The following DEFB124 variants were observed in gnomAD, a reference collection of about 807,000 sequenced individuals.
DEFB124 encodes defensin beta 124.
For missense variants in DEFB124, 78 were observed against 83.1 expected (o/e 0.94, Z 0.24); for synonymous variants, 38 against 36.5 (o/e 1.04, Z -0.15).
At chr20:31,469,043 T>A (rs190264239) in intron 2 of DEFB124, among the ~76,000 whole-genome samples, 1 of 152,348 alleles carries the variant, frequency 6.6e-6, no homozygotes, top group Admixed American at 6.5e-5. Context: ...ATAATAAAAA[T>A]GTTTAAAACT....
chr20:31,471,315 A>ACC (rs560170709), intron 2 of DEFB124, among the ~76,000 whole-genome samples: 3 of 36,542 alleles, frequency 8.2e-5, no homozygotes, highest in Admixed American at 3.0e-4. Flanking sequence ...CGGGGGGCTG[A>ACC]CCCCCCCCAC....
At chr20:31,470,193 C>A (rs1287373083) in intron 2 of DEFB124, among the ~76,000 whole-genome samples, 2 of 143,488 alleles carry the variant, frequency 1.4e-5, no homozygotes, top group South Asian at 4.3e-4. Context: ...GGGCGGCTGG[C>A]CGGGCGGGGG....
chr20:31,469,057 CTTAT>C (rs1568756963), intron 2 of DEFB124, among the ~76,000 whole-genome samples: 2 of 152,128 alleles, frequency 1.3e-5, no homozygotes. Context: ...TAAAACTCAC[CTTAT>C]TTATTTATGT....
chr20:31,467,059 T>C (rs1199922890), intron 2 of DEFB124, among the ~76,000 whole-genome samples: 1 of 152,156 alleles, frequency 6.6e-6, no homozygotes, highest in African/African-American at 2.4e-5. Flanking sequence ...TTAGAATGCA[T>C]GTGGGAAGTG....
chr20:31,473,183 G>C (rs1247418258), intron 1 of DEFB124, 145 bp from the exon 2 acceptor site: 1 of 665,738 alleles, frequency 1.5e-6, no homozygotes, highest in African/African-American at 1.8e-5. Flanking sequence ...AGGCTGCTTG[G>C]GATTTCAGCC....
At chr20:31,471,728 T>G (rs1261572750) in intron 2 of DEFB124, among the ~76,000 whole-genome samples, 2 of 128,320 alleles carry the variant, frequency 1.6e-5, no homozygotes, top group South Asian at 2.6e-4. Flanking sequence ...CCAGACGGGG[T>G]CGCAGCCTGG....
chr20:31,467,297 C>A (rs1367607905), intron 2 of DEFB124, among the ~76,000 whole-genome samples: 1 of 152,258 alleles, frequency 6.6e-6, no homozygotes, highest in Admixed American at 6.5e-5. Context: ...GCAGTCCACA[C>A]TTCCCTCTTA....
intron 2 of DEFB124, 187 bp downstream of exon 2, chr20:31,472,769 A>T: frequency 4.0e-6 from 2 of 503,792 alleles, no homozygotes; most frequent in Non-Finnish European, 6.8e-6. Context: ...CATTTTATAG[A>T]TTAGGAAACT....
At chr20:31,472,805 G>T in intron 2 of DEFB124, 151 bp downstream of exon 2, 2 of 830,176 alleles carry the variant, frequency 2.4e-6, no homozygotes, top group Non-Finnish European at 1.7e-6. Flanking sequence ...TTAGCAACTT[G>T]CTCTAAGTTG....
chr20:31,465,691 G>C, intron 2 of DEFB124, 28 bp from the exon 3 acceptor site: 1 of 1,611,216 alleles, frequency 6.2e-7, no homozygotes, highest in Non-Finnish European at 8.5e-7. Flanking sequence ...ACAGGTCACA[G>C]AGCAGCCCAT....
At chr20:31,472,687 A>G in intron 2 of DEFB124, 1 of 411,744 alleles carries the variant, frequency 2.4e-6, no homozygotes, top group East Asian at 3.9e-5. Flanking sequence ...CTTTTCTTTC[A>G]CTGCTACATG....
intron 2 of DEFB124, among the ~76,000 whole-genome samples, chr20:31,468,494 T>A (rs1980138598): frequency 6.6e-6 from 1 of 151,712 alleles, no homozygotes; most frequent in Non-Finnish European, 1.5e-5. Context: ...TTTTTTTTTT[T>A]AAGACAGAGT....
At position 31,465,807 on chromosome 20, in the gene DEFB124, G is replaced by A. The variant is rs1053605669; in HGVS notation, c.59-144C>T. 6.1e-6 allele frequency: 6 copies of A among 979,406 alleles called. No homozygotes were observed. In the African/African-American group the frequency reaches 9.8e-5, roughly 16 times the overall value. 60.7% of individuals were successfully genotyped at this position (979,406 alleles called of 1,614,324 possible). On this transcript the variant is annotated intron_variant, in intron 2 of 2. Coordinates refer to ENST00000317676, the MANE Select transcript of DEFB124 (RefSeq NM_001037500.2). The stretch of plus-strand genomic sequence containing the variant: ...GTTAGATCACTAGTCACAGATGAGA[G>A]TACTGATTACAAGTTAGGTTAGACC...
chr20:31,473,467 C>T (rs1349323911), intron 1 of DEFB124, among the ~76,000 whole-genome samples: 1 of 152,138 alleles, frequency 6.6e-6, no homozygotes, highest in Non-Finnish European at 1.5e-5. Context: ...AAGTGAACAG[C>T]ATGTATGCAG....
In DEFB124 at chr20:31,469,015, A is replaced by G. The variant is rs531208369; in HGVS notation, c.59-3352T>C. ...CTGTTACAGTATTCTGTATTTCTGCATAAGTTTAAATTTTCCCATAATAAA... is the reference window on the plus strand; with the variant it reads ...CTGTTACAGTATTCTGTATTTCTGCGTAAGTTTAAATTTTCCCATAATAAA... On this transcript the variant is annotated intron_variant, in intron 2 of 2. Transcript: ENST00000317676. Among the ~76,000 whole-genome samples, 8 of 152,326 alleles carry G rather than the reference A, an allele frequency of 5.3e-5. No homozygotes were observed. The South Asian group carries it at 1.7e-3, about 32-fold the overall frequency.
chr20:31,473,158 G>T, intron 1 of DEFB124, 120 bp from the exon 2 acceptor site: 1 of 816,320 alleles, frequency 1.2e-6, no homozygotes, highest in Non-Finnish European at 1.9e-6. Flanking sequence ...GGGAGTATGA[G>T]GCCATGTGGT....
At chr20:31,473,505 G>C (rs1013195250) in intron 1 of DEFB124, among the ~76,000 whole-genome samples, 2 of 152,152 alleles carry the variant, frequency 1.3e-5, no homozygotes, top group African/African-American at 4.8e-5. Flanking sequence ...AAGAGTAATA[G>C]TACCCATGTC....
At chr20:31,468,767 G>A (rs1023115221) in intron 2 of DEFB124, among the ~76,000 whole-genome samples, 22 of 151,532 alleles carry the variant, frequency 1.5e-4, no homozygotes, top group African/African-American at 4.1e-4. Flanking sequence ...GAGCCACCGC[G>A]CCCGGCCAGG....
rs1980338890 is a variant in DEFB124 at position 31,472,158 on chromosome 20, C to T, written c.58+798G>A. Reference sequence around the variant, plus strand: ...GACTCCGTCTGCAATCCCGGCACCTCGGGAGGCCGAGGCTGGCGGATCACT... The same window carrying T: ...GACTCCGTCTGCAATCCCGGCACCTTGGGAGGCCGAGGCTGGCGGATCACT... On this transcript the variant is annotated intron_variant, in intron 2 of 2. Transcript: ENST00000317676. 2.0e-5 allele frequency among the ~76,000 whole-genome samples: 3 copies of T among 151,476 alleles called. No individual in the cohort carries two copies. In the South Asian group the frequency reaches 6.2e-4, roughly 31 times the overall value.
Sources: allele counts gnomAD v4.1 joint callset (sites outside exome capture counted in the v4.1 genomes callset), GRCh38; gene constraint gnomAD v4.1.1; transcripts MANE v1.5; gene names NCBI Gene and HGNC (gene_info 2026-07-23, HGNC 2026-07-21).